The following GRB10 variants were observed in gnomAD, a reference collection of about 807,000 sequenced individuals.
The protein encoded by GRB10 is growth factor receptor-bound protein 10.
Under a neutral mutation model 80.9 loss-of-function variants are expected in GRB10, and 20 were observed. The ratio of observed to expected loss-of-function variants is 0.25; its 90% CI spans 0.17 to 0.36. GRB10 has a LOEUF of 0.36. Ranked by LOEUF, GRB10 falls within the 10% of genes least tolerant of loss-of-function variation. The probability of loss-of-function intolerance (pLI) is 1.00; values close to 1 mark genes in which losing one functional copy is unlikely to be tolerated. For missense variants in GRB10, 548 were observed against 747.7 expected, an observed-to-expected ratio of 0.73 and a Z score of 3.12; for synonymous variants, 291 against 291.5, an observed-to-expected ratio of 1.00 and a Z score of 0.02.
At chr7:50,759,783 G>A (rs2075550778) in intron 2 of GRB10, among the ~76,000 whole-genome samples, 1 of 152,138 alleles carries the variant, frequency 6.6e-6, no homozygotes, top group Non-Finnish European at 1.5e-5. Flanking sequence ...CAGGGACCCA[G>A]TCATCTGCCC....
upstream of GRB10, among the ~76,000 whole-genome samples, chr7:50,787,785 A>G (rs189069886): frequency 2.0e-5 from 3 of 152,344 alleles, no homozygotes; most frequent in Admixed American, 2.0e-4. Context: ...TGTGAGATGC[A>G]CGTGATTTTC....
chr7:50,707,958 A>G (rs1341462646), intron 4 of GRB10, among the ~76,000 whole-genome samples: 1 of 152,184 alleles, frequency 6.6e-6, no homozygotes, highest in African/African-American at 2.4e-5. Flanking sequence ...TAACTTGCAA[A>G]CCTAATTTAA....
chr7:50,625,287 A>G (rs1384910779), intron 8 of GRB10, among the ~76,000 whole-genome samples: 1 of 152,186 alleles, frequency 6.6e-6, no homozygotes, highest in Non-Finnish European at 1.5e-5. Flanking sequence ...AGTCCTTTTC[A>G]TAGTTCTTTC....
intron 6 of GRB10, among the ~76,000 whole-genome samples, chr7:50,672,881 C>T (rs1305200720): frequency 2.6e-5 from 4 of 152,214 alleles, no homozygotes; most frequent in African/African-American, 7.2e-5. Flanking sequence ...CAAGGGGTCA[C>T]GCTTCAAAGA....
chr7:50,709,199 C>G (rs6949393), intron 4 of GRB10, among the ~76,000 whole-genome samples: 1 of 152,192 alleles, frequency 6.6e-6, no homozygotes, highest in Admixed American at 6.5e-5. Flanking sequence ...AAGATGAACA[C>G]GAGAAGCCCT....
intron 3 of GRB10, among the ~76,000 whole-genome samples, chr7:50,752,237 T>C (rs2074235947): frequency 6.6e-6 from 1 of 152,010 alleles, no homozygotes; most frequent in Non-Finnish European, 1.5e-5. Flanking sequence ...AATGAGGGGC[T>C]ACAAAAATAG....
chr7:50,756,315 C>T (rs1470589582), intron 2 of GRB10, among the ~76,000 whole-genome samples: 7 of 152,216 alleles, frequency 4.6e-5, no homozygotes, highest in African/African-American at 1.2e-4. Flanking sequence ...CACATCTCTG[C>T]GTCTCCAAAG....
At chr7:50,643,276 C>T (rs368792459) in intron 7 of GRB10, among the ~76,000 whole-genome samples, 5 of 152,090 alleles carry the variant, frequency 3.3e-5, no homozygotes, top group South Asian at 2.1e-4. Flanking sequence ...TAATGAGAAA[C>T]GTAACAGACA....
intron 5 of GRB10, among the ~76,000 whole-genome samples, chr7:50,679,139 C>G (rs976816592): frequency 6.6e-6 from 1 of 152,140 alleles, no homozygotes; most frequent in Non-Finnish European, 1.5e-5. Flanking sequence ...CTTTAAATAA[C>G]CCAGTCCAAA....
chr7:50,605,320 G>A lies in GRB10; in HGVS notation c.1359C>T (p.Ser453=), dbSNP rs1001553225. The change falls in exon 15 of 19, where the codon AGC becomes AGT. Residue 453 remains serine, a synonymous_variant. Transcript: ENST00000401949. ...RVIENPAEAQ[S]AALEEGHAWR... ...AGGCGTGGCCCTCCTCCAGGGCTGCGCTCTGGGCCTCTGCCGGATTCTCTA... is the reference window on the plus strand; with the variant it reads ...AGGCGTGGCCCTCCTCCAGGGCTGCACTCTGGGCCTCTGCCGGATTCTCTA... The A allele has an allele frequency of 5.6e-6, 9 of 1,613,890 alleles. No individual in the cohort carries two copies. Among genetic ancestry groups the A allele is most frequent in the East Asian group, 2.2e-5 (1 of 44,888 alleles).
Position 50,621,098 on chromosome 7 carries a change from G to C in GRB10, c.662-1813C>G, listed in dbSNP as rs141212710. ...CCAAAGAACCCTGAGGAGAGCCAAA[G>C]AGGATGCCTGGGGCAGCCACCAGCC... On this transcript the variant is annotated intron_variant, in intron 8 of 18. Transcript: ENST00000401949. 5.9e-5 allele frequency among the ~76,000 whole-genome samples: 9 copies of C among 152,366 alleles called. No homozygotes were observed. The East Asian group carries it at 1.7e-3, about 29-fold the overall frequency.
At chr7:50,730,568 G>A (rs2069511082) in intron 4 of GRB10, among the ~76,000 whole-genome samples, 1 of 152,180 alleles carries the variant, frequency 6.6e-6, no homozygotes. Context: ...GTAAGACAGT[G>A]CTTTCAAATG....
At chr7:50,615,973 G>T (rs2050553120) in intron 11 of GRB10, among the ~76,000 whole-genome samples, 1 of 152,196 alleles carries the variant, frequency 6.6e-6, no homozygotes, top group Admixed American at 6.5e-5. Context: ...CGCAGTGGGG[G>T]TGGGGCTAGG....
rs549712189 is a variant in GRB10, at chr7:50,592,300, T to A, written c.*652A>T. ...GAGTCCACAAAATATGCCAAATGCCTACCACAGTGACACCTTTTATTTTAA... is the reference window on the plus strand; with the variant it reads ...GAGTCCACAAAATATGCCAAATGCCAACCACAGTGACACCTTTTATTTTAA... On this transcript the variant is annotated 3_prime_UTR_variant, in exon 19 of 19. Coordinates refer to ENST00000401949, the MANE Select transcript of GRB10 (RefSeq NM_001350814.2). 7 of 156,736 alleles carry A rather than the reference T, an allele frequency of 4.5e-5. 1 individual carries two copies. Among genetic ancestry groups the A allele is most frequent in the African/African-American group, 1.7e-4 (7 of 41,600 alleles). The allele number at this position is 156,736 out of a possible 1,614,324, so 9.7% of individuals were successfully genotyped here.
chr7:50,670,225 A>G (rs1036496001), intron 6 of GRB10, among the ~76,000 whole-genome samples: 1 of 151,506 alleles, frequency 6.6e-6, no homozygotes, highest in Non-Finnish European at 1.5e-5. Flanking sequence ...TGAGGTAGGT[A>G]GTGTATTCAA....
rs115446712 is a variant in GRB10, at chr7:50,724,546, G to T, written c.51+7726C>A. Among the ~76,000 whole-genome samples the T allele has an allele frequency of 7.2e-3, 1,090 of 152,306 alleles. 15 individuals carry two copies. The highest frequency in any genetic ancestry group is 0.025 in the African/African-American group (1,036 of 41,546). On this transcript the variant is annotated intron_variant, in intron 4 of 18. Transcript: ENST00000401949. ...AACATTGTGCTACAATGAGGGATGG[G>T]AGGATGGGTCCTGAAGGGAGAGCGT...
At chr7:50,760,682 ATC>A (rs879540947) in intron 2 of GRB10, among the ~76,000 whole-genome samples, 6 of 152,246 alleles carry the variant, frequency 3.9e-5, no homozygotes, top group Non-Finnish European at 7.3e-5. Flanking sequence ...GCTACTGTTC[ATC>A]CAGAAGAGTC....
chr7:50,709,130 C>G (rs1043238508), intron 4 of GRB10, among the ~76,000 whole-genome samples: 1 of 152,246 alleles, frequency 6.6e-6, no homozygotes, highest in African/African-American at 2.4e-5. Flanking sequence ...TTTAGAAAAA[C>G]TTGCCAAAGT....
intron 8 of GRB10, among the ~76,000 whole-genome samples, chr7:50,620,645 C>A (rs1261308708): frequency 6.6e-6 from 1 of 152,188 alleles, no homozygotes; most frequent in Non-Finnish European, 1.5e-5. Flanking sequence ...TTGGCACCAC[C>A]ACCAAGTGTG....
Sources: allele counts gnomAD v4.1 joint callset (sites outside exome capture counted in the v4.1 genomes callset), GRCh38; gene constraint gnomAD v4.1.1; transcripts MANE v1.5; gene names NCBI Gene and HGNC (gene_info 2026-07-23, HGNC 2026-07-21).